Variants in ARHGAP44 observed in about 807,000 individuals in gnomAD.
The protein encoded by ARHGAP44 is rho GTPase-activating protein 44.
A neutral mutation model predicts 106.8 loss-of-function variants in ARHGAP44; 43 were observed. The observed-to-expected ratio is 0.40, with a 90% CI of 0.32 to 0.52. The LOEUF (loss-of-function observed/expected upper bound fraction) is 0.52. ARHGAP44 is among the 20% of genes least tolerant of loss of function. The pLI is 0.48. For synonymous variants in ARHGAP44, 439 were observed against 410.3 expected (o/e 1.07, Z -0.85); for missense variants, 866 against 1,050.5 (o/e 0.82, Z 2.43).
chr17:12,789,757 CG>C lies in ARHGAP44; in HGVS notation c.-79del. 1 of 1,270,556 alleles carries C rather than the reference CG, an allele frequency of 7.9e-7. No individual in the cohort carries two copies. Among genetic ancestry groups the C allele is most frequent in the Non-Finnish European group, 1.0e-6 (1 of 978,596 alleles). 78.7% of individuals were successfully genotyped at this position (1,270,556 alleles called of 1,614,324 possible). A position where few individuals can be genotyped will look rare whatever the true frequency, so the allele number is the denominator to read the frequency against. ...CCGCCGTCGCCCGGGAGGCTCCGCG[CG>C]GGAGCCATGTAACCCTGCGGCGGGC... On this transcript the variant is annotated 5_prime_UTR_variant, in exon 1 of 21. Coordinates refer to ENST00000379672, the MANE Select transcript of ARHGAP44 (RefSeq NM_014859.6).
rs2036489249 is a variant in ARHGAP44, at chr17:12,874,247, A to G, written c.54-20693A>G. On this transcript the variant is annotated intron_variant, in intron 1 of 20. Transcript: ENST00000379672. ...AAGCTTTCACAGAGGACTTTGCAGC[A>G]TACTTCTGTTTTTGTCTCATGGCTG... Among the ~76,000 whole-genome samples, 3 of 152,238 alleles carry G rather than the reference A, an allele frequency of 2.0e-5. No homozygotes were observed. In the South Asian group the frequency reaches 6.2e-4, roughly 31 times the overall value.
chr17:12,925,873 G>A (rs74834948), intron 6 of ARHGAP44, among the ~76,000 whole-genome samples: 3,981 of 152,200 alleles, frequency 0.026, 176 homozygotes, highest in South Asian at 0.092. Flanking sequence ...TTCATAATTC[G>A]TGTTACTTTT....
chr17:12,813,324 A>G (rs1224065293), intron 1 of ARHGAP44, among the ~76,000 whole-genome samples: 2 of 151,282 alleles, frequency 1.3e-5, no homozygotes, highest in Non-Finnish European at 2.9e-5. Flanking sequence ...TTTTAGAAAG[A>G]TAAAGAGCAA....
intron 1 of ARHGAP44, among the ~76,000 whole-genome samples, chr17:12,819,065 A>G (rs62060419): frequency 0.11 from 16,682 of 152,068 alleles, 1,786 homozygotes; most frequent in African/African-American, 0.28. Flanking sequence ...TGATAAAGAC[A>G]TGTACATTTA....
intron 1 of ARHGAP44, among the ~76,000 whole-genome samples, chr17:12,886,918 A>G (rs72813178): frequency 0.14 from 20,143 of 143,786 alleles, 2,027 homozygotes; most frequent in East Asian, 0.35. Flanking sequence ...CATATATGTT[A>G]TTTATGAAGT....
chr17:12,956,342 G>C (rs1263337770), intron 14 of ARHGAP44, among the ~76,000 whole-genome samples: 1 of 152,164 alleles, frequency 6.6e-6, no homozygotes. Context: ...ATAGAAGGCT[G>C]TCTCCAGAGA....
chr17:12,796,602 G>GT (rs201727533), intron 1 of ARHGAP44, among the ~76,000 whole-genome samples: 25,831 of 143,028 alleles, frequency 0.18, 3,721 homozygotes, highest in African/African-American at 0.4. Flanking sequence ...ACTTTTCTTT[G>GT]TTTTTTTTTT....
chr17:12,843,253 G>C (rs2035468793), intron 1 of ARHGAP44, among the ~76,000 whole-genome samples: 1 of 151,998 alleles, frequency 6.6e-6, no homozygotes. Context: ...GCCTCCCTCT[G>C]TTTCTCCCCC....
At chr17:12,864,942 G>A (rs1290376314) in intron 1 of ARHGAP44, among the ~76,000 whole-genome samples, 1 of 152,138 alleles carries the variant, frequency 6.6e-6, no homozygotes, top group Non-Finnish European at 1.5e-5. Flanking sequence ...GAGACATGTA[G>A]AGGAAAAAGA....
At chr17:12,835,815 G>A (rs1292694638) in intron 1 of ARHGAP44, among the ~76,000 whole-genome samples, 2 of 152,086 alleles carry the variant, frequency 1.3e-5, no homozygotes, top group Non-Finnish European at 1.5e-5. Context: ...CTCCCTCCAG[G>A]CGCCAGTAAT....
intron 18 of ARHGAP44, among the ~76,000 whole-genome samples, chr17:12,975,573 T>C (rs934904938): frequency 2.6e-5 from 4 of 150,978 alleles, no homozygotes; most frequent in Admixed American, 2.0e-4. Context: ...CCGAGGCGGG[T>C]GGATCACGAG....
At chr17:12,826,351 C>T (rs867161512) in intron 1 of ARHGAP44, among the ~76,000 whole-genome samples, 1 of 152,258 alleles carries the variant, frequency 6.6e-6, no homozygotes, top group Non-Finnish European at 1.5e-5. Flanking sequence ...TGTTTCTTTG[C>T]AGACTCTTTT....
At chr17:12,810,412 A>G (rs2034403047) in intron 1 of ARHGAP44, among the ~76,000 whole-genome samples, 1 of 152,216 alleles carries the variant, frequency 6.6e-6, no homozygotes, top group South Asian at 2.1e-4. Context: ...ACATCTTTGG[A>G]ATATCTTCAG....
intron 1 of ARHGAP44, among the ~76,000 whole-genome samples, chr17:12,835,893 A>G (rs188190164): frequency 5.9e-5 from 9 of 152,318 alleles, no homozygotes; most frequent in Admixed American, 4.6e-4. Flanking sequence ...GAATCATACA[A>G]TATTTGCCTT....
At chr17:12,869,463 AATAC>A (rs2036340976) in intron 1 of ARHGAP44, among the ~76,000 whole-genome samples, 2 of 152,230 alleles carry the variant, frequency 1.3e-5, no homozygotes, top group African/African-American at 2.4e-5. Flanking sequence ...CAACTGGAAA[AATAC>A]ATACAACATA....
chr17:12,863,731 G>A (rs868501513), intron 1 of ARHGAP44, among the ~76,000 whole-genome samples: 15 of 152,174 alleles, frequency 9.9e-5, no homozygotes, highest in South Asian at 2.1e-4. Flanking sequence ...AAATAAAATG[G>A]TGGCTATTCT....
chr17:12,853,365 C>T (rs948385732), intron 1 of ARHGAP44, among the ~76,000 whole-genome samples: 33 of 152,044 alleles, frequency 2.2e-4, no homozygotes, highest in African/African-American at 7.7e-4. Flanking sequence ...ACTGAAGGAC[C>T]GAAACGTGTC....
intron 3 of ARHGAP44, among the ~76,000 whole-genome samples, chr17:12,905,504 C>G (rs2037520689): frequency 6.6e-6 from 1 of 152,186 alleles, no homozygotes; most frequent in Non-Finnish European, 1.5e-5. Flanking sequence ...AAAGTCCGAT[C>G]AACCTCATGT....
intron 4 of ARHGAP44, among the ~76,000 whole-genome samples, chr17:12,912,059 C>A (rs998413423): frequency 6.6e-6 from 1 of 152,158 alleles, no homozygotes; most frequent in African/African-American, 2.4e-5. Flanking sequence ...CATCAGACAT[C>A]TGAGGAAAGT....
Sources: gnomAD v4.1 joint callset for allele counts (sites outside exome capture counted in the v4.1 genomes callset) on GRCh38, gnomAD v4.1.1 for gene constraint, MANE v1.5 for transcripts, NCBI Gene and HGNC (gene_info 2026-07-23, HGNC 2026-07-21) for gene names.